The following KNL1 variants were observed in gnomAD, a reference collection of about 807,000 sequenced individuals.
KNL1 encodes kinetochore scaffold 1.
In KNL1, 66 loss-of-function variants were observed where a neutral mutation model predicts 201.3. The observed-to-expected ratio is 0.33, with a 90% CI of 0.27 to 0.40. KNL1 has a LOEUF of 0.40. KNL1 is among the 10% of genes least tolerant of loss of function. The probability of loss-of-function intolerance (pLI) is 1.00; values close to 1 mark genes in which losing one functional copy is unlikely to be tolerated. For synonymous variants in KNL1, 895 were observed against 899.2 expected (o/e 1.00, Z 0.08); for missense variants, 2,815 against 2,690.5 (o/e 1.05, Z -1.02).
chr15:40,611,609 AG>A (rs1263630079), intron 7 of KNL1, 98 bp downstream of exon 7: 2 of 168,098 alleles, frequency 1.2e-5, no homozygotes, highest in African/African-American at 4.8e-5. Flanking sequence ...GGATTAATTC[AG>A]AAAACCAGTT....
intron 14 of KNL1, chr15:40,642,952 G>C (rs1245657822): frequency 6.6e-6 from 1 of 152,026 alleles, no homozygotes; most frequent in Non-Finnish European, 1.5e-5. Context: ...GAATGAAACG[G>C]GATCTTACAC....
intron 13 of KNL1, among the ~76,000 whole-genome samples, chr15:40,636,592 G>A (rs927198548): frequency 1.3e-5 from 2 of 152,174 alleles, no homozygotes; most frequent in Non-Finnish European, 2.9e-5. Context: ...ACTTTGGGAG[G>A]CCTAGGCAGG....
rs773834257 is a variant in KNL1, at chr15:40,622,281, G to A, written c.2017G>A (p.Val673Ile). ...GGAGATAGCAACAAGCCATAATATA[G>A]TCTACTGTGGTGGAGTTCTTGATAA... ...NQEIATSHNI[V>I]YCGGVLDKQI... The change falls in exon 10 of 26, where the codon GTC becomes ATC. Residue 673 changes from valine to isoleucine, a missense_variant. By Grantham distance (29) the Val-to-Ile change is conservative. Around this residue, in one of 3 missense-constraint regions of KNL1, gnomAD observed 2,464 missense variants for 2,291.7 expected, o/e 1.08. Coordinates refer to ENST00000399668, the MANE Select transcript of KNL1 (RefSeq NM_144508.5). 6 of 1,613,848 alleles carry A rather than the reference G, an allele frequency of 3.7e-6. No homozygotes were observed. The Admixed American group carries it at 1.0e-4, about 27-fold the overall frequency.
intron 7 of KNL1, among the ~76,000 whole-genome samples, chr15:40,613,253 G>A (rs982679747): frequency 6.0e-5 from 9 of 150,176 alleles, no homozygotes; most frequent in South Asian, 2.1e-4. Context: ...GAAGAAAAGC[G>A]TGTGTGTGTG....
At chr15:40,631,709 T>C (rs1414899438) in intron 13 of KNL1, among the ~76,000 whole-genome samples, 1 of 152,088 alleles carries the variant, frequency 6.6e-6, no homozygotes, top group African/African-American at 2.4e-5. Flanking sequence ...ACAAAAATTG[T>C]TGGAGAGGAT....
intron 25 of KNL1, among the ~76,000 whole-genome samples, chr15:40,659,871 CTT>C (rs1893853459): frequency 7.1e-6 from 1 of 141,676 alleles, no homozygotes; most frequent in Admixed American, 7.1e-5. Context: ...CTTCAGTTCT[CTT>C]GAGTTCATTT....
intron 8 of KNL1, among the ~76,000 whole-genome samples, chr15:40,617,816 G>A (rs1323617721): frequency 1.3e-5 from 2 of 151,860 alleles, no homozygotes; most frequent in Admixed American, 6.6e-5. Context: ...CCATCTCTGA[G>A]AGTCCAGAAA....
Position 40,625,141 on chromosome 15 carries a change from C to A in KNL1, c.4877C>A (p.Ser1626Tyr). The A allele has an allele frequency of 1.2e-6, 2 of 1,614,034 alleles. No individual in the cohort carries two copies. The highest frequency in any genetic ancestry group is 8.5e-7 in the Non-Finnish European group (1 of 1,179,968). Reference sequence around the variant, plus strand: ...AGTAGAGATGAGGAAAATAAAAAGTCTCATAATGGAGCTGAAACCACCTCT... The same window carrying A: ...AGTAGAGATGAGGAAAATAAAAAGTATCATAATGGAGCTGAAACCACCTCT... ...KDSRDEENKK[S>Y]HNGAETTSLP... The change falls in exon 10 of 26, where the codon TCT becomes TAT. Residue 1626 changes from serine to tyrosine, a missense_variant. Ser to Tyr is a moderately radical substitution (Grantham distance 144, BLOSUM62 -2). Coordinates refer to ENST00000399668, the MANE Select transcript of KNL1 (RefSeq NM_144508.5).
intron 5 of KNL1, 136 bp from the exon 6 acceptor site, chr15:40,610,109 G>T: frequency 1.9e-6 from 1 of 528,670 alleles, no homozygotes; most frequent in East Asian, 3.0e-5. Context: ...TGAAATACTA[G>T]GAGTATATGG....
intron 2 of KNL1, among the ~76,000 whole-genome samples, chr15:40,603,523 C>T (rs1186950743): frequency 2.0e-5 from 3 of 152,166 alleles, no homozygotes; most frequent in Non-Finnish European, 2.9e-5. Flanking sequence ...CCTGTAGTCC[C>T]GGCACTTTGA....
intron 13 of KNL1, among the ~76,000 whole-genome samples, chr15:40,631,636 T>C (rs1892914100): frequency 6.6e-6 from 1 of 151,720 alleles, no homozygotes; most frequent in African/African-American, 2.4e-5. Flanking sequence ...ACTCATAATA[T>C]CCACAAAAAA....
chr15:40,629,332 C>G lies in KNL1; in HGVS notation c.5643C>G (p.Ile1881Met), dbSNP rs1472445744. 2.5e-6 allele frequency: 4 copies of G among 1,605,966 alleles called. No individual in the cohort carries two copies. The highest frequency in any genetic ancestry group is 3.5e-5 in the Admixed American group (2 of 57,372). Residue 1881 changes from isoleucine to methionine, a missense_variant, in exon 13 of 26, where the codon ATC (isoleucine) becomes ATG (methionine). By Grantham distance (10) the Ile-to-Met change is conservative. Transcript: ENST00000399668. ...REFFILLQVH[I>M]LIQKPRQSNL... ...TCTTTATACTTCTCCAGGTCCACATCTTGATACAGAAACCCCGACAGAGCA... is the reference window on the plus strand; with the variant it reads ...TCTTTATACTTCTCCAGGTCCACATGTTGATACAGAAACCCCGACAGAGCA...
intron 22 of KNL1, among the ~76,000 whole-genome samples, chr15:40,656,205 C>T (rs186004318): frequency 7.9e-4 from 120 of 151,494 alleles, no homozygotes; most frequent in African/African-American, 2.8e-3. Flanking sequence ...CCAAGGCGGG[C>T]GGATCACTGG....
chr15:40,614,572 C>A (rs553165501), intron 7 of KNL1, among the ~76,000 whole-genome samples: 30 of 152,264 alleles, frequency 2.0e-4, no homozygotes, highest in African/African-American at 6.5e-4. Context: ...TTACAGATAA[C>A]CACTGTTGAC....
chr15:40,654,809 C>A, intron 21 of KNL1, 100 bp from the exon 22 acceptor site: 1 of 778,124 alleles, frequency 1.3e-6, no homozygotes, highest in Non-Finnish European at 2.1e-6. Context: ...GCTGAGCTTG[C>A]AGTGGGCCAA....
At chr15:40,639,781 A>G (rs974197418) in intron 13 of KNL1, among the ~76,000 whole-genome samples, 38 of 151,922 alleles carry the variant, frequency 2.5e-4, no homozygotes, top group African/African-American at 9.2e-4. Context: ...CAAAAAAAAA[A>G]AGGCTAGTCA....
Position 40,624,993 on chromosome 15 carries a change from G to A in KNL1, c.4729G>A (p.Val1577Ile). The A allele has an allele frequency of 1.2e-6, 2 of 1,613,946 alleles. No individual in the cohort carries two copies. The highest frequency in any genetic ancestry group is 1.7e-5 in the Admixed American group (1 of 59,998). The change falls in exon 10 of 26, where the codon GTT becomes ATT. Residue 1577 changes from valine to isoleucine, a missense_variant. Around this residue, in one of 3 missense-constraint regions of KNL1, gnomAD observed 2,464 missense variants for 2,291.7 expected, o/e 1.08. Coordinates refer to ENST00000399668, the MANE Select transcript of KNL1 (RefSeq NM_144508.5). ...TGGAGAGTTTTTAGCCTTTCAAACTGTTCATCTACCACCCCTTCCAGAGCA... is the reference window on the plus strand; with the variant it reads ...TGGAGAGTTTTTAGCCTTTCAAACTATTCATCTACCACCCCTTCCAGAGCA... ...KTGEFLAFQT[V>I]HLPPLPEQLL...
chr15:40,658,770 A>G lies in KNL1; in HGVS notation c.6714-569A>G, dbSNP rs556852709. On this transcript the variant is annotated intron_variant, in intron 24 of 25. Coordinates refer to ENST00000399668, the MANE Select transcript of KNL1 (RefSeq NM_144508.5). ...CAAGGTGAAACCCCATCTCTACTGA[A>G]AATACAAAAATTAGCTGGGCCTGGT... Among the ~76,000 whole-genome samples, 6 of 150,426 alleles carry G rather than the reference A, an allele frequency of 4.0e-5. No individual in the cohort carries two copies. The East Asian group carries it at 1.2e-3, about 30-fold the overall frequency.
Position 40,622,404 on chromosome 15 carries a change from G to T in KNL1, c.2140G>T (p.Asp714Tyr), listed in dbSNP as rs1252140978. ...AGGACAGTTCTCTATGAAAAATCAT[G>T]ATACTGCTATAAGTAGTCATACAGT... ...SSGQFSMKNHDTAISSHTVKS... is the reference protein window; with the variant it reads ...SSGQFSMKNHYTAISSHTVKS... Residue 714 changes from aspartate to tyrosine, a missense_variant, in exon 10 of 26, where the codon GAT becomes TAT. Asp to Tyr is a radical substitution (Grantham distance 160, BLOSUM62 -3). This residue lies in a region of KNL1 where 2,464 missense variants were observed against 2,291.7 expected (regional missense o/e 1.08). Coordinates refer to ENST00000399668, the MANE Select transcript of KNL1 (RefSeq NM_144508.5). 2 of 1,613,606 alleles carry T rather than the reference G, an allele frequency of 1.2e-6. No homozygotes were observed. Among genetic ancestry groups the T allele is most frequent in the Non-Finnish European group, 1.7e-6 (2 of 1,179,754 alleles).
Sources: gnomAD v4.1 joint callset for allele counts (sites outside exome capture counted in the v4.1 genomes callset) on GRCh38, gnomAD v4.1.1 for gene constraint, gnomAD v4.1.1 regional missense constraint, MANE v1.5 for transcripts, NCBI Gene and HGNC (gene_info 2026-07-23, HGNC 2026-07-21) for gene names.